The following ASIC2 variants were observed in gnomAD, a reference collection of about 807,000 sequenced individuals.
ASIC2 encodes acid sensing ion channel subunit 2, also known as acid-sensing ion channel 2.
Under a neutral mutation model 57.3 loss-of-function variants are expected in ASIC2, and 25 were observed. That is an observed-to-expected ratio of 0.44 (90% CI 0.32 to 0.61). The LOEUF is 0.61. Ranked by LOEUF, ASIC2 falls within the 20% of genes least tolerant of loss-of-function variation. The pLI, the probability that ASIC2 is intolerant of heterozygous loss-of-function variation, is 0.06. For missense variants in ASIC2, 641 were observed against 738.1 expected (o/e 0.87, Z 1.52); for synonymous variants, 319 against 307.5 (o/e 1.04, Z -0.39).
intron 1 of ASIC2, among the ~76,000 whole-genome samples, chr17:33,514,651 A>C (rs1914515583): frequency 6.6e-6 from 1 of 152,174 alleles, no homozygotes. Context: ...CTTTTTCTGG[A>C]ATGGGATCCC....
chr17:33,491,017 G>A (rs991040428), intron 1 of ASIC2, among the ~76,000 whole-genome samples: 7 of 152,108 alleles, frequency 4.6e-5, no homozygotes, highest in South Asian at 2.1e-4. Context: ...CACTGAGGTC[G>A]CTCTTCCCCA....
At chr17:33,747,958 A>G (rs904788105) in intron 1 of ASIC2, among the ~76,000 whole-genome samples, 2 of 152,264 alleles carry the variant, frequency 1.3e-5, no homozygotes, top group Non-Finnish European at 2.9e-5. Flanking sequence ...CATGAGCTAG[A>G]CATTCTGCAT....
At chr17:33,775,020 A>T (rs1285054649) in intron 1 of ASIC2, among the ~76,000 whole-genome samples, 1 of 152,212 alleles carries the variant, frequency 6.6e-6, no homozygotes, top group South Asian at 2.1e-4. Context: ...TCCAAAAGAG[A>T]CATATCCTGA....
At chr17:33,418,392 T>G (rs1460097598) in intron 1 of ASIC2, among the ~76,000 whole-genome samples, 1 of 152,202 alleles carries the variant, frequency 6.6e-6, no homozygotes, top group African/African-American at 2.4e-5. Flanking sequence ...ATTTGTCAAT[T>G]TTGGCTTTTG....
At chr17:33,375,192 C>A (rs1173656140) in intron 1 of ASIC2, among the ~76,000 whole-genome samples, 1 of 151,980 alleles carries the variant, frequency 6.6e-6, no homozygotes, top group Non-Finnish European at 1.5e-5. Flanking sequence ...GGTGTTTGCT[C>A]TCTTATCAAG....
chr17:33,364,847 C>A (rs910985564), intron 1 of ASIC2, among the ~76,000 whole-genome samples: 1 of 152,200 alleles, frequency 6.6e-6, no homozygotes, highest in African/African-American at 2.4e-5. Flanking sequence ...GCCATGAATT[C>A]CCCTTCGTTA....
At chr17:33,579,709 G>A (rs12950287) in intron 1 of ASIC2, among the ~76,000 whole-genome samples, 2,022 of 152,260 alleles carry the variant, frequency 0.013, 37 homozygotes, top group African/African-American at 0.045. Flanking sequence ...CGCAGCCAGC[G>A]TTACAACTGT....
intron 1 of ASIC2, among the ~76,000 whole-genome samples, chr17:33,227,637 T>C (rs570996157): frequency 1.3e-5 from 2 of 152,270 alleles, no homozygotes; most frequent in South Asian, 2.1e-4. Flanking sequence ...AGGTGGAAAG[T>C]ACCACAGGCC....
At chr17:34,094,305 T>A (rs1299155501) in intron 1 of ASIC2, among the ~76,000 whole-genome samples, 1 of 152,168 alleles carries the variant, frequency 6.6e-6, no homozygotes, top group African/African-American at 2.4e-5. Flanking sequence ...AACAGAAAAC[T>A]ACTATGTGTC....
intron 1 of ASIC2, among the ~76,000 whole-genome samples, chr17:33,255,683 G>A (rs1909042499): frequency 6.6e-6 from 1 of 152,212 alleles, no homozygotes; most frequent in African/African-American, 2.4e-5. Flanking sequence ...GTAAGCATGT[G>A]CCACTATGGT....
At chr17:33,840,470 C>T (rs967521868) in intron 1 of ASIC2, among the ~76,000 whole-genome samples, 3 of 152,208 alleles carry the variant, frequency 2.0e-5, no homozygotes, top group Non-Finnish European at 4.4e-5. Flanking sequence ...CTGGGAATAA[C>T]TCTGCATGTC....
rs897548858 is a variant in ASIC2 at position 33,025,912 on chromosome 17, C to T, written c.1195+14G>A. The T allele has an allele frequency of 1.1e-5, 17 of 1,598,864 alleles. No individual in the cohort carries two copies. Among genetic ancestry groups the T allele is most frequent in the Non-Finnish European group, 1.4e-5 (17 of 1,173,804 alleles). ...CCCGGCCCCCATGATTCCATCTGTC[C>T]CCTGAGTACTGACCTAGGGCAGGCT... On this transcript the variant is annotated intron_variant, in intron 5 of 9. Transcript: ENST00000225823.
At chr17:33,839,791 C>G (rs926436788) in intron 1 of ASIC2, among the ~76,000 whole-genome samples, 5 of 152,128 alleles carry the variant, frequency 3.3e-5, no homozygotes, top group Non-Finnish European at 5.9e-5. Flanking sequence ...GTGGCAGGTA[C>G]CACCCAGCAG....
rs573410837 is a variant in ASIC2, at chr17:33,034,634, A to G, written c.988-6242T>C. 3.9e-5 allele frequency among the ~76,000 whole-genome samples: 6 copies of G among 152,314 alleles called. No homozygotes were observed. The South Asian group carries it at 1.2e-3, about 32-fold the overall frequency. Reference sequence around the variant, plus strand: ...GATAAGTGTTTTCTTCCAGAATTTCAAAGGTGTTATTCCTCTGTCTTCTGG... The same window carrying G: ...GATAAGTGTTTTCTTCCAGAATTTCGAAGGTGTTATTCCTCTGTCTTCTGG... On this transcript the variant is annotated intron_variant, in intron 3 of 9. Transcript: ENST00000225823.
At chr17:33,677,353 TCCTGGGAC>T (rs1038203847) in intron 1 of ASIC2, among the ~76,000 whole-genome samples, 1 of 152,164 alleles carries the variant, frequency 6.6e-6, no homozygotes, top group Non-Finnish European at 1.5e-5. Context: ...ATTTTGAAAA[TCCTGGGAC>T]CCTTAAGAAC....
At chr17:34,090,435 A>G (rs1156456737) in intron 1 of ASIC2, among the ~76,000 whole-genome samples, 1 of 150,724 alleles carries the variant, frequency 6.6e-6, no homozygotes, top group African/African-American at 2.5e-5. Context: ...TGGAGTAAGA[A>G]TCAGACCTTC....
At chr17:33,044,278 CCA>C (rs1567724917) in intron 3 of ASIC2, among the ~76,000 whole-genome samples, 3 of 150,662 alleles carry the variant, frequency 2.0e-5, no homozygotes, top group African/African-American at 7.4e-5. Flanking sequence ...ATCCATCCAT[CCA>C]TCCATCCATC....
At chr17:34,069,373 CTTTT>C (rs1398874435) in intron 1 of ASIC2, 5 of 84,804 alleles carry the variant, frequency 5.9e-5, no homozygotes, top group Admixed American at 1.3e-4. Context: ...TCTTTCTTTC[CTTTT>C]TTTCTCTTTC....
intron 1 of ASIC2, among the ~76,000 whole-genome samples, chr17:33,460,185 G>A (rs1194266745): frequency 1.3e-5 from 2 of 152,122 alleles, no homozygotes; most frequent in Admixed American, 6.5e-5. Context: ...GATTAGCTTC[G>A]GGTATTGACC....
Sources: gnomAD v4.1 joint callset for allele counts (sites outside exome capture counted in the v4.1 genomes callset) on GRCh38, gnomAD v4.1.1 for gene constraint, MANE v1.5 for transcripts, NCBI Gene and HGNC (gene_info 2026-07-23, HGNC 2026-07-21) for gene names.